The following FBN2 variants were observed in gnomAD, a reference collection of about 807,000 sequenced individuals.
FBN2 encodes fibrillin 2.
FBN2 carries 105 observed loss-of-function variants against 355.6 expected under a neutral mutation model. The observed-to-expected ratio is 0.30, with a 90% CI of 0.25 to 0.35. The LOEUF (loss-of-function observed/expected upper bound fraction) is 0.35. FBN2 is among the 10% of genes least tolerant of loss of function. The probability of loss-of-function intolerance (pLI) is 1.00; values close to 1 mark genes in which losing one functional copy is unlikely to be tolerated. For missense variants in FBN2, 3,280 were observed against 3,758.7 expected, an observed-to-expected ratio of 0.87 and a Z score of 3.33; for synonymous variants, 1,350 against 1,301.2, an observed-to-expected ratio of 1.04 and a Z score of -0.81.
At chr5:128,437,463 T>G (rs1255359130) in intron 7 of FBN2, among the ~76,000 whole-genome samples, 1 of 152,166 alleles carries the variant, frequency 6.6e-6, no homozygotes, top group East Asian at 1.9e-4. Flanking sequence ...CTAGATTTAA[T>G]AAAATTATCT....
intron 5 of FBN2, among the ~76,000 whole-genome samples, chr5:128,500,916 C>G (rs1359155462): frequency 6.6e-6 from 1 of 152,128 alleles, no homozygotes; most frequent in Non-Finnish European, 1.5e-5. Flanking sequence ...GTGATCTCTA[C>G]CAGATGGGAG....
chr5:128,446,308 C>T (rs1754061996), intron 7 of FBN2, 173 bp downstream of exon 7: 2 of 607,008 alleles, frequency 3.3e-6, no homozygotes, highest in African/African-American at 1.9e-5. Context: ...TCAAATCAAA[C>T]CCACTAAGGC....
chr5:128,442,200 T>C (rs952210459), intron 7 of FBN2: 4 of 404,656 alleles, frequency 9.9e-6, no homozygotes, highest in African/African-American at 8.4e-5. Flanking sequence ...AACAACTATC[T>C]GCCACATAAA....
intron 5 of FBN2, among the ~76,000 whole-genome samples, chr5:128,507,155 C>T (rs1333477100): frequency 2.0e-5 from 3 of 151,944 alleles, no homozygotes; most frequent in Non-Finnish European, 4.4e-5. Context: ...GGTATTTTTG[C>T]TTTCTTAAAT....
intron 6 of FBN2, among the ~76,000 whole-genome samples, chr5:128,461,834 C>T (rs1405108575): frequency 6.7e-6 from 1 of 148,448 alleles, no homozygotes; most frequent in African/African-American, 2.5e-5. Flanking sequence ...GGGAATAACA[C>T]ACACCAGGGC....
In FBN2 at chr5:128,538,069, G is replaced by C. The variant is rs1282139599; in HGVS notation, c.-466C>G. 6.0e-6 allele frequency: 1 copy of C among 167,908 alleles called. No homozygotes were observed. Among genetic ancestry groups the C allele is most frequent in the African/African-American group, 2.4e-5 (1 of 41,808 alleles). 10.4% of individuals were successfully genotyped at this position (167,908 alleles called of 1,614,324 possible). A position where few individuals can be genotyped will look rare whatever the true frequency, so the allele number is the denominator to read the frequency against. ...TGCAAAAGTCACCAGAAAGAAACAGGCAAGCAAACAAAAGTCGCCCCCAGA... is the reference window on the plus strand; with the variant it reads ...TGCAAAAGTCACCAGAAAGAAACAGCCAAGCAAACAAAAGTCGCCCCCAGA... On this transcript the variant is annotated 5_prime_UTR_variant, in exon 1 of 65. Transcript: ENST00000262464.
chr5:128,486,496 A>G (rs1755340772), intron 5 of FBN2, among the ~76,000 whole-genome samples: 2 of 152,166 alleles, frequency 1.3e-5, no homozygotes, highest in Admixed American at 1.3e-4. Context: ...ATTGTTCACA[A>G]CACTCTAGTT....
In FBN2 at chr5:128,307,340, A is replaced by G. The variant is rs962721853; in HGVS notation, c.5354-137T>C. On this transcript the variant is annotated intron_variant, in intron 41 of 64. Transcript: ENST00000262464. ...TTTTGATTTCAATTATATTTATTTG[A>G]TAGCAATGCCAGCTTCTGCTAGGAG... is the stretch of plus-strand genomic sequence containing the variant. 5.9e-6 allele frequency: 4 copies of G among 676,886 alleles called. No individual in the cohort carries two copies. The African/African-American group carries it at 7.1e-5, about 12-fold the overall frequency. The allele number at this position is 676,886 out of a possible 1,614,324, so 41.9% of individuals were successfully genotyped here. A position where few individuals can be genotyped will look rare whatever the true frequency, so the allele number is the denominator to read the frequency against.
rs1752114851 is a variant in FBN2, at chr5:128,377,684, T to C, written c.1849+68A>G. 6 of 1,530,636 alleles carry C rather than the reference T, an allele frequency of 3.9e-6. No homozygotes were observed. In the East Asian group the frequency reaches 1.1e-4, roughly 29 times the overall value. 94.8% of individuals were successfully genotyped at this position (1,530,636 alleles called of 1,614,324 possible). Reference sequence around the variant, plus strand: ...GGTGTGTGAGCTTTCATGGAAATAGTACATGGTTCTAAATAAAAATGTATA... The same window carrying C: ...GGTGTGTGAGCTTTCATGGAAATAGCACATGGTTCTAAATAAAAATGTATA... On this transcript the variant is annotated intron_variant, in intron 13 of 64. Coordinates refer to ENST00000262464, the MANE Select transcript of FBN2 (RefSeq NM_001999.4).
intron 8 of FBN2, among the ~76,000 whole-genome samples, chr5:128,399,333 T>C (rs551535759): frequency 3.3e-5 from 5 of 152,298 alleles, no homozygotes; most frequent in Non-Finnish European, 7.4e-5. Context: ...GCAGCACCAA[T>C]GGATGCCAGA....
intron 25 of FBN2, among the ~76,000 whole-genome samples, chr5:128,339,508 A>C (rs1031835718): frequency 6.6e-6 from 1 of 152,082 alleles, no homozygotes; most frequent in Admixed American, 6.6e-5. Flanking sequence ...CCAAGAGGTC[A>C]AGGCTGCACG....
At chr5:128,309,440 C>T (rs370797885) in intron 40 of FBN2, 41 bp from the exon 41 acceptor site, 40 of 1,584,150 alleles carry the variant, frequency 2.5e-5, no homozygotes, top group African/African-American at 5.4e-5. Flanking sequence ...TTTGTATCCA[C>T]GAGTAGTTTA....
At chr5:128,286,416 A>G (rs1289775350) in intron 55 of FBN2, among the ~76,000 whole-genome samples, 1 of 152,164 alleles carries the variant, frequency 6.6e-6, no homozygotes, top group Non-Finnish European at 1.5e-5. Flanking sequence ...ACCTTTTTCA[A>G]TGTTTTTCTA....
intron 34 of FBN2, among the ~76,000 whole-genome samples, chr5:128,323,398 C>T (rs964531680): frequency 1.3e-5 from 2 of 152,112 alleles, no homozygotes; most frequent in African/African-American, 4.8e-5. Context: ...GTGGGTTTGT[C>T]ATAAATAGCT....
At chr5:128,337,463 G>C (rs1750873841) in intron 27 of FBN2, among the ~76,000 whole-genome samples, 1 of 152,186 alleles carries the variant, frequency 6.6e-6, no homozygotes, top group Non-Finnish European at 1.5e-5. Flanking sequence ...ATTGTGAAAA[G>C]CAATAGGTTG....
At chr5:128,297,767 T>G (rs1395499632) in intron 48 of FBN2, among the ~76,000 whole-genome samples, 2 of 152,202 alleles carry the variant, frequency 1.3e-5, no homozygotes, top group Non-Finnish European at 2.9e-5. Context: ...TACAGCACAC[T>G]GATGGGTCTT....
intron 25 of FBN2, 137 bp from the exon 26 acceptor site, chr5:128,339,198 T>A: frequency 1.2e-6 from 1 of 828,734 alleles, no homozygotes; most frequent in Non-Finnish European, 2.0e-6. Context: ...TAGACCCAGA[T>A]AGAAGGGCCT....
chr5:128,485,695 C>T (rs565514665), intron 5 of FBN2, among the ~76,000 whole-genome samples: 1 of 152,094 alleles, frequency 6.6e-6, no homozygotes, highest in Non-Finnish European at 1.5e-5. Flanking sequence ...GGCGGTTACA[C>T]TCTGGAAAAG....
In FBN2 at chr5:128,537,390, T is replaced by G; in HGVS notation, c.214A>C (p.Ser72Arg). The change falls in exon 1 of 65, where the codon AGC becomes CGC. Residue 72 changes from serine (S) to arginine (R), a missense_variant. Ser to Arg is a moderately radical substitution (Grantham distance 110). Around this residue, in one of 6 missense-constraint regions of FBN2, gnomAD observed 203 missense variants for 142.2 expected, o/e 1.43. Coordinates refer to ENST00000262464, the MANE Select transcript of FBN2 (RefSeq NM_001999.4). ...TGCTGTCCTCGCCGGCGGACGCGGC[T>G]GGCCACTGCGGCACCCTCCTCGCGA... ...EYREEGAAVASRVRRRGQQDV... is the reference protein window; with the variant it reads ...EYREEGAAVARRVRRRGQQDV... 1.9e-6 allele frequency: 3 copies of G among 1,610,514 alleles called. No individual in the cohort carries two copies. Among genetic ancestry groups the G allele is most frequent in the Non-Finnish European group, 2.5e-6 (3 of 1,179,628 alleles).
Sources: gnomAD v4.1 joint callset for allele counts (sites outside exome capture counted in the v4.1 genomes callset) on GRCh38, gnomAD v4.1.1 for gene constraint, gnomAD v4.1.1 regional missense constraint, MANE v1.5 for transcripts, NCBI Gene and HGNC (gene_info 2026-07-23, HGNC 2026-07-21) for gene names.